SLC35F4: variants seen among roughly 807,000 people sequenced by gnomAD.
The protein encoded by SLC35F4 is chromosome 14 open reading frame 36.
SLC35F4 carries 24 observed loss-of-function variants against 44.2 expected under a neutral mutation model. That is an observed-to-expected ratio of 0.54 (90% CI 0.39 to 0.76). The LOEUF (loss-of-function observed/expected upper bound fraction) is 0.76, where lower values mean the gene tolerates loss of function less well. Among genes scored for constraint, SLC35F4 ranks in the 30% least tolerant of loss-of-function variants. The pLI is 0.00. For synonymous variants in SLC35F4, 238 were observed against 223.6 expected (o/e 1.06, Z -0.57); for missense variants, 562 against 586.1 (o/e 0.96, Z 0.42).
chr14:57,740,561 A>G (rs1238829235), intron 1 of SLC35F4, among the ~76,000 whole-genome samples: 1 of 152,190 alleles, frequency 6.6e-6, no homozygotes, highest in Non-Finnish European at 1.5e-5. Flanking sequence ...TTGATAGAAG[A>G]AATAAGACCT....
chr14:57,676,975 A>C (rs570983597), intron 1 of SLC35F4, among the ~76,000 whole-genome samples: 10 of 152,280 alleles, frequency 6.6e-5, no homozygotes, highest in African/African-American at 2.4e-4. Context: ...TGTTTATAGC[A>C]GTACAACTCG....
chr14:57,841,056 A>G (rs1382863265), intron 1 of SLC35F4, among the ~76,000 whole-genome samples: 1 of 152,232 alleles, frequency 6.6e-6, no homozygotes, highest in East Asian at 1.9e-4. Flanking sequence ...GCTCATCTAC[A>G]GTCTAGCAAT....
At chr14:57,570,400 C>T (rs1375153451) in intron 5 of SLC35F4, among the ~76,000 whole-genome samples, 1 of 152,022 alleles carries the variant, frequency 6.6e-6, no homozygotes, top group Non-Finnish European at 1.5e-5. Flanking sequence ...ACAGAGAGAC[C>T]CTGTCATTAT....
At chr14:57,931,089 T>C (rs1889688951) in intron 1 of SLC35F4, among the ~76,000 whole-genome samples, 2 of 152,178 alleles carry the variant, frequency 1.3e-5, no homozygotes. Flanking sequence ...ACCTCCCTCA[T>C]TTTACAGAGG....
intron 1 of SLC35F4, among the ~76,000 whole-genome samples, chr14:57,672,132 G>C (rs1566748352): frequency 6.6e-6 from 1 of 152,034 alleles, no homozygotes. Flanking sequence ...AACATATCAA[G>C]AACATTTTCT....
chr14:57,736,905 T>G (rs1441291479), intron 1 of SLC35F4, among the ~76,000 whole-genome samples: 1 of 152,216 alleles, frequency 6.6e-6, no homozygotes, highest in Non-Finnish European at 1.5e-5. Flanking sequence ...TGCAATTTGG[T>G]TTCATAGCCA....
At chr14:57,897,820 T>A (rs1269606005) in intron 1 of SLC35F4, among the ~76,000 whole-genome samples, 2 of 152,180 alleles carry the variant, frequency 1.3e-5, no homozygotes, top group Non-Finnish European at 2.9e-5. Context: ...ACAAATGGTA[T>A]CATCTATAAA....
intron 1 of SLC35F4, among the ~76,000 whole-genome samples, chr14:57,623,598 C>G (rs184673549): frequency 6.6e-6 from 1 of 152,172 alleles, no homozygotes; most frequent in African/African-American, 2.4e-5. Flanking sequence ...GAAATCATAA[C>G]AGTCTCTCAG....
intron 1 of SLC35F4, among the ~76,000 whole-genome samples, chr14:57,863,981 G>A (rs1003791520): frequency 6.6e-6 from 1 of 152,164 alleles, no homozygotes; most frequent in African/African-American, 2.4e-5. Context: ...TGAAGCATGT[G>A]CAGCTATTTG....
intron 3 of SLC35F4, 105 bp from the exon 4 acceptor site, chr14:57,581,538 C>T: frequency 3.1e-6 from 3 of 967,782 alleles, no homozygotes; most frequent in Non-Finnish European, 4.6e-6. Flanking sequence ...ACACTCAATA[C>T]CCATCCTTCA....
At chr14:57,931,413 C>A (rs901063063) in intron 1 of SLC35F4, among the ~76,000 whole-genome samples, 18 of 152,058 alleles carry the variant, frequency 1.2e-4, no homozygotes, top group African/African-American at 4.1e-4. Flanking sequence ...ACAAAATTAC[C>A]ATCTGACAAA....
chr14:57,590,420 TA>T (rs1245104284), intron 2 of SLC35F4, among the ~76,000 whole-genome samples: 46 of 152,078 alleles, frequency 3.0e-4, no homozygotes, highest in African/African-American at 1.0e-3. Flanking sequence ...AGATGATTAT[TA>T]AAAGTAATGT....
intron 1 of SLC35F4, among the ~76,000 whole-genome samples, chr14:57,600,691 C>A (rs1320004958): frequency 9.9e-4 from 55 of 55,388 alleles, no homozygotes; most frequent in East Asian, 2.4e-3. Context: ...GACTCCATCT[C>A]AAAAAAAAAA....
At chr14:57,671,485 G>A (rs891551319) in intron 1 of SLC35F4, among the ~76,000 whole-genome samples, 5 of 152,024 alleles carry the variant, frequency 3.3e-5, no homozygotes, top group Non-Finnish European at 4.4e-5. Context: ...CCATGGGCCA[G>A]AAGGGAACCC....
At chr14:57,858,014 A>G (rs981065832) in intron 1 of SLC35F4, among the ~76,000 whole-genome samples, 1 of 152,064 alleles carries the variant, frequency 6.6e-6, no homozygotes, top group African/African-American at 2.4e-5. Flanking sequence ...GGCCATCATT[A>G]AAAAGTTGGG....
At position 57,704,311 on chromosome 14, in the gene SLC35F4, G is replaced by T. The variant is rs148982162; in HGVS notation, c.104-110187C>A. Among the ~76,000 whole-genome samples, 258 of 152,178 alleles carry T rather than the reference G, an allele frequency of 1.7e-3. 1 individual carries two copies. Among genetic ancestry groups the T allele is most frequent in the Middle Eastern group, 0.01 (3 of 294 alleles). On this transcript the variant is annotated intron_variant, in intron 1 of 7. Transcript: ENST00000556826. ...TAAGAGTTGGAAAGCTGGGGTTCTG[G>T]TCCTGGTTCTGATAATACCTGTGTG... is the stretch of plus-strand genomic sequence containing the variant.
At chr14:57,758,073 C>T (rs2077039157) in intron 1 of SLC35F4, among the ~76,000 whole-genome samples, 1 of 151,012 alleles carries the variant, frequency 6.6e-6, no homozygotes, top group African/African-American at 2.4e-5. Flanking sequence ...CGTTGCACCA[C>T]TGGCTTTTCA....
At chr14:57,954,009 T>C (rs1594650171) in intron 1 of SLC35F4, among the ~76,000 whole-genome samples, 1 of 152,182 alleles carries the variant, frequency 6.6e-6, no homozygotes, top group African/African-American at 2.4e-5. Context: ...TATTCTAAAA[T>C]TGACCACATA....
chr14:57,822,874 G>T (rs1445081526), intron 1 of SLC35F4, among the ~76,000 whole-genome samples: 2 of 152,100 alleles, frequency 1.3e-5, no homozygotes, highest in African/African-American at 2.4e-5. Flanking sequence ...ATGGGTGCTA[G>T]CACCTGGGGT....
Sources: gnomAD v4.1 joint callset for allele counts (sites outside exome capture counted in the v4.1 genomes callset) on GRCh38, gnomAD v4.1.1 for gene constraint, MANE v1.5 for transcripts, NCBI Gene and HGNC (gene_info 2026-07-23, HGNC 2026-07-21) for gene names.